CNTLN: variants seen among roughly 807,000 people sequenced by gnomAD.
CNTLN encodes the protein centlein, also known as centlein, centrosomal protein.
A neutral mutation model predicts 180.0 loss-of-function variants in CNTLN; 212 were observed. The ratio of observed to expected loss-of-function variants is 1.18; its 90% CI spans 1.05 to 1.32. The LOEUF (loss-of-function observed/expected upper bound fraction) is 1.32. Ranked by LOEUF, CNTLN falls within the 40% of genes most tolerant of loss-of-function variation. CNTLN has a pLI of 0.00. For missense variants in CNTLN, 2,095 were observed against 1,610.9 expected, an observed-to-expected ratio of 1.30 and a Z score of -5.14; for synonymous variants, 722 against 563.1, an observed-to-expected ratio of 1.28 and a Z score of -3.99.
At chr9:17,219,332 A>G (rs1823979731) in intron 2 of CNTLN, among the ~76,000 whole-genome samples, 1 of 151,632 alleles carries the variant, frequency 6.6e-6, no homozygotes, top group South Asian at 2.1e-4. Flanking sequence ...TGGTGACATT[A>G]TAAACTTGAA....
the CNTLN span, among the ~76,000 whole-genome samples, chr9:17,522,999 T>C: frequency 0.042 from 6,451 of 152,162 alleles, 416 homozygotes; most frequent in African/African-American, 0.14. Context: ...ATTTCCAAAA[T>C]CACTGAGTAA....
At chr9:17,338,361 TG>T (rs1821218173) in intron 10 of CNTLN, among the ~76,000 whole-genome samples, 1 of 140,316 alleles carries the variant, frequency 7.1e-6, no homozygotes, top group Admixed American at 7.3e-5. Flanking sequence ...TTTTTAGAGA[TG>T]GGGTTTCACT....
intron 15 of CNTLN, among the ~76,000 whole-genome samples, chr9:17,398,063 A>G (rs1826672893): frequency 6.6e-6 from 1 of 152,068 alleles, no homozygotes. Flanking sequence ...ATACTATATC[A>G]TATGATTATC....
intron 14 of CNTLN, among the ~76,000 whole-genome samples, chr9:17,391,040 G>A (rs1269648273): frequency 2.0e-5 from 3 of 152,104 alleles, no homozygotes; most frequent in Non-Finnish European, 2.9e-5. Flanking sequence ...TTTAATCAAA[G>A]TTTTATGTGC....
At chr9:17,235,985 CT>C (rs953014142) in intron 4 of CNTLN, among the ~76,000 whole-genome samples, 193 bp downstream of exon 4, 1 of 152,156 alleles carries the variant, frequency 6.6e-6, no homozygotes, top group East Asian at 1.9e-4. Flanking sequence ...AGCTTTATAA[CT>C]TTTAGATAAA....
At chr9:17,261,705 G>T (rs370890322) in intron 5 of CNTLN, among the ~76,000 whole-genome samples, 3 of 151,164 alleles carry the variant, frequency 2.0e-5, no homozygotes, top group South Asian at 2.1e-4. Context: ...CTAGTACTAT[G>T]TTGAATAGGA....
At chr9:17,307,521 C>T (rs896445997) in intron 7 of CNTLN, among the ~76,000 whole-genome samples, 26 of 152,110 alleles carry the variant, frequency 1.7e-4, no homozygotes, top group African/African-American at 5.8e-4. Context: ...CTGCCCATCT[C>T]GGCCTCCCAA....
At chr9:17,433,401 C>T (rs1481140917) in intron 18 of CNTLN, among the ~76,000 whole-genome samples, 4 of 151,744 alleles carry the variant, frequency 2.6e-5, no homozygotes, top group Non-Finnish European at 5.9e-5. Context: ...TCTCCTGCCT[C>T]GGCCTCCTGA....
intron 12 of CNTLN, among the ~76,000 whole-genome samples, chr9:17,343,783 A>AC (rs1821667401): frequency 6.6e-6 from 1 of 151,222 alleles, no homozygotes; most frequent in Non-Finnish European, 1.5e-5. Context: ...CAGTTTTATC[A>AC]CCCCCCGCTA....
chr9:17,145,498 A>T (rs186519946), intron 2 of CNTLN, among the ~76,000 whole-genome samples: 1 of 152,228 alleles, frequency 6.6e-6, no homozygotes, highest in Non-Finnish European at 1.5e-5. Flanking sequence ...AGTTATCCAA[A>T]TTATGATCCA....
intron 5 of CNTLN, among the ~76,000 whole-genome samples, chr9:17,265,680 G>C (rs1297677128): frequency 3.3e-5 from 5 of 152,024 alleles, no homozygotes; most frequent in Non-Finnish European, 7.4e-5. Flanking sequence ...GACTCTTTTT[G>C]GTTGGTAAGC....
rs545370794 is a variant in CNTLN at position 17,461,489 on chromosome 9, A to C, written c.3307-1427A>C. Among the ~76,000 whole-genome samples the C allele has an allele frequency of 2.6e-5, 4 of 151,856 alleles. No homozygotes were observed. The South Asian group carries it at 8.3e-4, about 31-fold the overall frequency. On this transcript the variant is annotated intron_variant, in intron 19 of 25. Coordinates refer to ENST00000380647, the MANE Select transcript of CNTLN (RefSeq NM_017738.4). ...CATGTTGAGGTAGCTTTGGGTTTTT[A>C]AGAAAAATTAATGTTTCATGTAAAA...
At position 17,501,482 on chromosome 9, in the gene CNTLN, G is replaced by A. The variant is rs191853471; in HGVS notation, c.4120-1069G>A. Among the ~76,000 whole-genome samples the A allele has an allele frequency of 7.9e-4, 120 of 152,272 alleles. 1 individual carries two copies. Among genetic ancestry groups the A allele is most frequent in the Non-Finnish European group, 1.8e-4 (12 of 68,026 alleles). On this transcript the variant is annotated intron_variant, in intron 25 of 25. Transcript: ENST00000380647. ...TTCTCCAGTCCAAATTTAGCAAAGA[G>A]CCATTCTGATTGGTTTAATTATAGA...
Position 17,181,867 on chromosome 9 carries a change from T to C in CNTLN, c.449+38491T>C, listed in dbSNP as rs145787349. Among the ~76,000 whole-genome samples the C allele has an allele frequency of 1.0e-3, 153 of 152,326 alleles. 2 individuals carry two copies. The highest frequency in any genetic ancestry group is 3.6e-3 in the African/African-American group (151 of 41,592). On this transcript the variant is annotated intron_variant, in intron 2 of 25. Coordinates refer to ENST00000380647, the MANE Select transcript of CNTLN (RefSeq NM_017738.4). ...GTGGAAGGGGCAGGAATGTCTCCCA[T>C]GTGGCTTCCACTGTCATCACGGGAG... is the stretch of plus-strand genomic sequence containing the variant.
chr9:17,369,957 A>C (rs1278741112), intron 13 of CNTLN, among the ~76,000 whole-genome samples: 1 of 151,526 alleles, frequency 6.6e-6, no homozygotes, highest in East Asian at 2.0e-4. Flanking sequence ...ACTGCACTCC[A>C]GCCTGGTGAC....
intron 1 of CNTLN, among the ~76,000 whole-genome samples, chr9:17,138,107 T>A (rs1410059984): frequency 6.6e-6 from 1 of 152,218 alleles, no homozygotes; most frequent in East Asian, 1.9e-4. Context: ...TGGCATTTAA[T>A]GCCCTATTTC....
intron 6 of CNTLN, among the ~76,000 whole-genome samples, chr9:17,276,106 T>C (rs2027014): frequency 0.3 from 46,270 of 151,926 alleles, 7,158 homozygotes; most frequent in South Asian, 0.41. Context: ...GTAATAGTAC[T>C]ACACATATAC....
chr9:17,359,032 C>G (rs904434435), intron 12 of CNTLN, among the ~76,000 whole-genome samples: 1 of 151,254 alleles, frequency 6.6e-6, no homozygotes, highest in Admixed American at 6.6e-5. Flanking sequence ...CCTCCCCTCT[C>G]TTTTTGAAAT....
intron 12 of CNTLN, among the ~76,000 whole-genome samples, chr9:17,352,428 T>C (rs1410245695): frequency 6.9e-6 from 1 of 145,962 alleles, no homozygotes; most frequent in Non-Finnish European, 1.5e-5. Context: ...TTTTTTTTTT[T>C]TTGGTATGTA....
Sources: gnomAD v4.1 joint callset for allele counts (sites outside exome capture counted in the v4.1 genomes callset) on GRCh38, gnomAD v4.1.1 for gene constraint, MANE v1.5 for transcripts, NCBI Gene and HGNC (gene_info 2026-07-23, HGNC 2026-07-21) for gene names.